The following MYLK variants were observed in gnomAD, a reference collection of about 807,000 sequenced individuals.
MYLK encodes the protein myosin light chain kinase, smooth muscle.
In MYLK, 106 loss-of-function variants were observed where a neutral mutation model predicts 203.4. The observed-to-expected ratio is 0.52, with a 90% CI of 0.45 to 0.61. The LOEUF is 0.61. MYLK is among the 20% of genes least tolerant of loss of function. The probability of loss-of-function intolerance (pLI) is 0.00; values close to 1 mark genes in which losing one functional copy is unlikely to be tolerated. For synonymous variants in MYLK, 867 were observed against 959.5 expected, an observed-to-expected ratio of 0.90 and a Z score of 1.78; for missense variants, 2,072 against 2,442.3, an observed-to-expected ratio of 0.85 and a Z score of 3.20.
intron 15 of MYLK, among the ~76,000 whole-genome samples, 196 bp from the exon 16 acceptor site, chr3:123,708,199 G>A (rs2108637976): frequency 6.6e-6 from 1 of 152,254 alleles, no homozygotes; most frequent in South Asian, 2.1e-4. Context: ...ATTCTCAGAG[G>A]ATAATATTAA....
At chr3:123,881,623 C>A (rs1418870888) in intron 1 of MYLK, among the ~76,000 whole-genome samples, 1 of 152,096 alleles carries the variant, frequency 6.6e-6, no homozygotes, top group African/African-American at 2.4e-5. Context: ...TGTCCCCAAG[C>A]AAGGCTGCAT....
chr3:123,722,699 A>T (rs562033769), intron 12 of MYLK, among the ~76,000 whole-genome samples: 1 of 152,314 alleles, frequency 6.6e-6, no homozygotes, highest in South Asian at 2.1e-4. Context: ...GCCCAGCCTC[A>T]GGCAAAACGG....
chr3:123,850,515 T>C (rs1270558973), intron 2 of MYLK, among the ~76,000 whole-genome samples: 1 of 152,230 alleles, frequency 6.6e-6, no homozygotes, highest in Non-Finnish European at 1.5e-5. Flanking sequence ...CATTTTTTCA[T>C]TTGTCTTTTG....
chr3:123,774,515 T>G (rs951588419), intron 4 of MYLK, among the ~76,000 whole-genome samples: 2 of 152,146 alleles, frequency 1.3e-5, no homozygotes, highest in Admixed American at 1.3e-4. Flanking sequence ...TCAAAGAAGA[T>G]AAGTAATTTA....
intron 11 of MYLK, among the ~76,000 whole-genome samples, chr3:123,732,339 A>G (rs191605009): frequency 1.2e-4 from 18 of 152,392 alleles, no homozygotes; most frequent in Middle Eastern, 3.4e-3. Flanking sequence ...AGAATTGTAT[A>G]AAAAGATGTT....
chr3:123,683,929 G>A (rs907359471), intron 19 of MYLK, among the ~76,000 whole-genome samples: 2 of 152,116 alleles, frequency 1.3e-5, no homozygotes, highest in African/African-American at 4.8e-5. Flanking sequence ...ACGGGCAAAG[G>A]AGCCCCAGAT....
chr3:123,754,195 G>T lies in MYLK; in HGVS notation c.166-1657C>A, dbSNP rs540347638. 4.9e-4 allele frequency among the ~76,000 whole-genome samples: 74 copies of T among 152,332 alleles called. 2 individuals are homozygous for T. The South Asian group carries it at 0.015, about 31-fold the overall frequency. Reference sequence around the variant, plus strand: ...CCAGAGTCTCTGTAACCAGGATGCAGATTTCTTCCTAAGGAAGGAAGCCTT... The same window carrying T: ...CCAGAGTCTCTGTAACCAGGATGCATATTTCTTCCTAAGGAAGGAAGCCTT... On this transcript the variant is annotated intron_variant, in intron 4 of 33. Coordinates refer to ENST00000360304, the MANE Select transcript of MYLK (RefSeq NM_053025.4).
At chr3:123,653,936 CT>C (rs1159458238) in intron 24 of MYLK, among the ~76,000 whole-genome samples, 1 of 152,124 alleles carries the variant, frequency 6.6e-6, no homozygotes, top group East Asian at 1.9e-4. Flanking sequence ...GATTGCCCCC[CT>C]GGGACCCACA....
intron 3 of MYLK, among the ~76,000 whole-genome samples, chr3:123,801,180 C>G (rs756167906): frequency 7.9e-5 from 12 of 152,292 alleles, no homozygotes; most frequent in African/African-American, 2.9e-4. Flanking sequence ...CTCCACTGTA[C>G]GCTTGAAAGA....
At chr3:123,707,137 TCCACAA>T (rs2061491167) in intron 16 of MYLK, among the ~76,000 whole-genome samples, 1 of 151,598 alleles carries the variant, frequency 6.6e-6, no homozygotes, top group Non-Finnish European at 1.5e-5. Context: ...CACGGAGAGG[TCCACAA>T]CGCAAGGAGC....
chr3:123,845,854 C>A (rs532659116), intron 2 of MYLK, among the ~76,000 whole-genome samples: 2 of 152,286 alleles, frequency 1.3e-5, no homozygotes, highest in South Asian at 2.1e-4. Flanking sequence ...CACCTCCCCA[C>A]TGTTTAAAAT....
intron 18 of MYLK, 35 bp downstream of exon 18, chr3:123,699,985 A>C (rs1446806491): frequency 1.2e-6 from 2 of 1,613,840 alleles, no homozygotes; most frequent in Non-Finnish European, 1.7e-6. Flanking sequence ...CCTGGTACAG[A>C]GGCCCCTTCT....
intron 4 of MYLK, among the ~76,000 whole-genome samples, chr3:123,778,441 A>G (rs1226986439): frequency 6.8e-6 from 1 of 146,654 alleles, no homozygotes; most frequent in Non-Finnish European, 1.5e-5. Context: ...TGAACCCGGG[A>G]GGTGGAGCTT....
At chr3:123,833,731 G>A (rs897389616) in intron 2 of MYLK, among the ~76,000 whole-genome samples, 1 of 152,128 alleles carries the variant, frequency 6.6e-6, no homozygotes, top group African/African-American at 2.4e-5. Flanking sequence ...TATAAAAGCT[G>A]ATAATATGGG....
chr3:123,846,336 C>T (rs995100051), intron 2 of MYLK, among the ~76,000 whole-genome samples: 3 of 152,190 alleles, frequency 2.0e-5, no homozygotes, highest in Non-Finnish European at 4.4e-5. Context: ...CTTTAAAACG[C>T]ATATAAACAC....
At chr3:123,851,146 C>A (rs1383628988) in intron 2 of MYLK, among the ~76,000 whole-genome samples, 15 of 152,024 alleles carry the variant, frequency 9.9e-5, no homozygotes, top group South Asian at 2.1e-4. Context: ...TGGTTACTGT[C>A]GCCTTGTAGT....
chr3:123,722,058 T>C, intron 13 of MYLK, 70 bp downstream of exon 13: 1 of 1,540,316 alleles, frequency 6.5e-7, no homozygotes, highest in Non-Finnish European at 8.8e-7. Context: ...TTTCTACAAA[T>C]GTGCCCTTCC....
intron 8 of MYLK, chr3:123,735,886 T>A (rs2062657890): frequency 6.2e-6 from 1 of 160,652 alleles, no homozygotes; most frequent in South Asian, 1.8e-4. Flanking sequence ...TAGAAAGAGA[T>A]AACAAACCCT....
At chr3:123,672,317 C>A (rs1051821617) in intron 20 of MYLK, among the ~76,000 whole-genome samples, 11 of 151,878 alleles carry the variant, frequency 7.2e-5, no homozygotes, top group Non-Finnish European at 1.6e-4. Context: ...GAGAAAAGAA[C>A]ATGTGAGGAC....
Sources: allele counts gnomAD v4.1 joint callset (sites outside exome capture counted in the v4.1 genomes callset), GRCh38; gene constraint gnomAD v4.1.1; transcripts MANE v1.5; gene names NCBI Gene and HGNC (gene_info 2026-07-23, HGNC 2026-07-21).